The following PDE9A variants were observed in gnomAD, a reference collection of about 807,000 sequenced individuals.
The protein encoded by PDE9A is high affinity cGMP-specific 3',5'-cyclic phosphodiesterase 9A.
A neutral mutation model predicts 87.4 loss-of-function variants in PDE9A; 60 were observed. The observed-to-expected ratio is 0.69, with a 90% confidence interval of 0.56 to 0.85. The LOEUF (loss-of-function observed/expected upper bound fraction) is 0.85. Ranked by LOEUF, PDE9A falls within the 40% of genes least tolerant of loss-of-function variation. PDE9A has a pLI of 0.00. For synonymous variants in PDE9A, 272 were observed against 279.4 expected, an observed-to-expected ratio of 0.97 and a Z score of 0.27; for missense variants, 665 against 779.0, an observed-to-expected ratio of 0.85 and a Z score of 1.74.
chr21:42,711,407 C>T (rs775084582), intron 4 of PDE9A, among the ~76,000 whole-genome samples: 12 of 151,894 alleles, frequency 7.9e-5, no homozygotes, highest in African/African-American at 1.9e-4. Flanking sequence ...TTTGCCACCA[C>T]GCCTGGCTAA....
chr21:42,665,246 G>A (rs1485354408), intron 1 of PDE9A, among the ~76,000 whole-genome samples: 1 of 152,232 alleles, frequency 6.6e-6, no homozygotes, highest in Admixed American at 6.5e-5. Flanking sequence ...CCCCGCCCAT[G>A]CCTCGAGCTC....
rs952135938 is a variant in PDE9A, at chr21:42,674,759, C to T, written c.70-11433C>T. ...CACTCTTTACATGCCGATTTCTGTC[C>T]TCTGGTTAACTGGCGTTTAATTTTC... On this transcript the variant is annotated intron_variant, in intron 1 of 19. Coordinates refer to ENST00000291539, the MANE Select transcript of PDE9A (RefSeq NM_002606.3). Among the ~76,000 whole-genome samples the T allele has an allele frequency of 3.5e-4, 54 of 152,242 alleles. 1 individual carries two copies. Among genetic ancestry groups the T allele is most frequent in the Non-Finnish European group, 1.5e-4 (10 of 68,048 alleles).
At position 42,765,361 on chromosome 21, in the gene PDE9A, G is replaced by A. The variant is rs961976355; in HGVS notation, c.1243-20G>A. ...GTTCAGACTATACCCGTGTTAACAC[G>A]TTGTTCTCTCGCTATTTAGGGAATG... On this transcript the variant is annotated intron_variant, in intron 14 of 19. Coordinates refer to ENST00000291539, the MANE Select transcript of PDE9A (RefSeq NM_002606.3). The A allele has an allele frequency of 2.8e-5, 40 of 1,437,764 alleles. No individual in the cohort carries two copies. The highest frequency in any genetic ancestry group is 3.6e-5 in the Non-Finnish European group (37 of 1,022,232). 89.1% of individuals were successfully genotyped at this position (1,437,764 alleles called of 1,614,324 possible).
intron 7 of PDE9A, among the ~76,000 whole-genome samples, chr21:42,743,130 C>T (rs1459530983): frequency 1.3e-5 from 2 of 152,180 alleles, no homozygotes; most frequent in Non-Finnish European, 2.9e-5. Context: ...AGATGGAGCC[C>T]GCTAAGTTAG....
Position 42,705,192 on chromosome 21 carries a change from G to A in PDE9A, c.262+6181G>A, listed in dbSNP as rs1256537821. 6.6e-6 allele frequency among the ~76,000 whole-genome samples: 1 copy of A among 152,162 alleles called. No homozygotes were observed. The highest frequency in any genetic ancestry group is 2.4e-5 in the African/African-American group (1 of 41,442). ...AAATGCTCTCTTCGCCTGATCATGG[G>A]AGGGAATCAAATGGATAGAGCATTT... On this transcript the variant is annotated intron_variant, in intron 4 of 19. Transcript: ENST00000291539. This position sits in a 1 kb window ranked among gnomAD's most constrained non-coding sequence, Gnocchi z 4.3.
chr21:42,671,735 AAAC>A (rs992025003), intron 1 of PDE9A, among the ~76,000 whole-genome samples: 1 of 152,236 alleles, frequency 6.6e-6, no homozygotes, highest in Non-Finnish European at 1.5e-5. Flanking sequence ...TAATAAGAAA[AAAC>A]AATAGAATGT....
At chr21:42,710,259 A>G (rs1569183576) in intron 4 of PDE9A, among the ~76,000 whole-genome samples, 3 of 152,060 alleles carry the variant, frequency 2.0e-5, no homozygotes, top group Non-Finnish European at 4.4e-5. Flanking sequence ...AGTGCAAAAA[A>G]TTAGCAGGGT....
chr21:42,677,598 C>T (rs542149504), intron 1 of PDE9A, among the ~76,000 whole-genome samples: 11 of 152,214 alleles, frequency 7.2e-5, no homozygotes, highest in Non-Finnish European at 1.3e-4. Flanking sequence ...GTCTTTCATT[C>T]GCCAGCCTGT....
At chr21:42,673,479 G>T (rs2058672956) in intron 1 of PDE9A, among the ~76,000 whole-genome samples, 1 of 152,164 alleles carries the variant, frequency 6.6e-6, no homozygotes, top group African/African-American at 2.4e-5. Context: ...AGTCTAGTGC[G>T]GCCCTTTGCA....
intron 4 of PDE9A, among the ~76,000 whole-genome samples, chr21:42,713,762 CA>C (rs543990786): frequency 1.3e-5 from 2 of 150,228 alleles, no homozygotes; most frequent in African/African-American, 2.4e-5. Flanking sequence ...ATTCTCACCA[CA>C]AAAAAAAACT....
At position 42,660,875 on chromosome 21, in the gene PDE9A, C is replaced by G. The variant is rs1436543313; in HGVS notation, c.69+6992C>G. On this transcript the variant is annotated intron_variant, in intron 1 of 19. Coordinates refer to ENST00000291539, the MANE Select transcript of PDE9A (RefSeq NM_002606.3). This position sits in a 1 kb window ranked among gnomAD's most constrained non-coding sequence, Gnocchi z 4.7. ...AACCCATCCCTGACTGCCTGTCTCC[C>G]CCCTCACCCTGACCACATCTCCCCA... 6.6e-6 allele frequency among the ~76,000 whole-genome samples: 1 copy of G among 152,098 alleles called. No homozygotes were observed. Among genetic ancestry groups the G allele is most frequent in the East Asian group, 1.9e-4 (1 of 5,194 alleles).
intron 1 of PDE9A, among the ~76,000 whole-genome samples, chr21:42,674,316 C>CTTTTTTTTTTTTTTTTTTTT (rs34238765): frequency 3.6e-4 from 49 of 134,594 alleles, no homozygotes; most frequent in Non-Finnish European, 5.0e-4. Flanking sequence ...TTTAGACATT[C>CTTTTTTTTTTTTTTTTTTTT]TTTTTTTTTT....
chr21:42,682,659 A>G (rs1480283883), intron 1 of PDE9A, among the ~76,000 whole-genome samples: 1 of 151,974 alleles, frequency 6.6e-6, no homozygotes, highest in African/African-American at 2.4e-5. Flanking sequence ...ATATTCCAAA[A>G]CCCTGGCCTG....
At chr21:42,775,229 C>G (rs764911520) in intron 19 of PDE9A, 51 bp from the exon 20 acceptor site, 14 of 1,599,358 alleles carry the variant, frequency 8.8e-6, no homozygotes, top group Non-Finnish European at 1.2e-5. Flanking sequence ...TGTGAGCCAC[C>G]GCGCCCTAAT....
chr21:42,767,489 C>T (rs146939242), intron 15 of PDE9A, among the ~76,000 whole-genome samples: 73 of 152,304 alleles, frequency 4.8e-4, no homozygotes, highest in African/African-American at 1.6e-3. Flanking sequence ...CGAGGTCCTG[C>T]CGAGGTTGGA....
chr21:42,699,722 AT>A (rs3216679), intron 4 of PDE9A, among the ~76,000 whole-genome samples: 22,092 of 151,342 alleles, frequency 0.15, 1,806 homozygotes, highest in East Asian at 0.34. Flanking sequence ...AGCCTGGGTA[AT>A]TTTTTTTGTA....
At chr21:42,679,377 T>A (rs2059033906) in intron 1 of PDE9A, among the ~76,000 whole-genome samples, 1 of 151,772 alleles carries the variant, frequency 6.6e-6, no homozygotes, top group South Asian at 2.1e-4. Flanking sequence ...CGCCTCGCGT[T>A]CAGCGGCTGG....
At chr21:42,719,767 C>T (rs2050306172) in intron 4 of PDE9A, among the ~76,000 whole-genome samples, 1 of 152,002 alleles carries the variant, frequency 6.6e-6, no homozygotes, top group South Asian at 2.1e-4. Flanking sequence ...CTTGTTTTTA[C>T]AGCGATCAGA....
At chr21:42,662,154 TTTA>T (rs1209624796) in intron 1 of PDE9A, among the ~76,000 whole-genome samples, 1 of 152,106 alleles carries the variant, frequency 6.6e-6, no homozygotes, top group Admixed American at 6.5e-5. Flanking sequence ...TTTTTGTTTG[TTTA>T]TTATTTATTT....
Sources: gnomAD v4.1 joint callset for allele counts (sites outside exome capture counted in the v4.1 genomes callset) on GRCh38, gnomAD v4.1.1 for gene constraint, Gnocchi (gnomAD v3.1) non-coding constraint, MANE v1.5 for transcripts, NCBI Gene and HGNC (gene_info 2026-07-23, HGNC 2026-07-21) for gene names.